NINL: variants seen among roughly 807,000 people sequenced by gnomAD.
NINL encodes ninein-like protein.
A neutral mutation model predicts 160.3 loss-of-function variants in NINL; 153 were observed. The observed-to-expected ratio is 0.95, with a 90% CI of 0.84 to 1.09. The LOEUF is 1.09. Among genes scored for constraint, NINL ranks in the 50% least tolerant of loss-of-function variants. The probability of loss-of-function intolerance (pLI) is 0.00; values close to 1 mark genes in which losing one functional copy is unlikely to be tolerated. For synonymous variants in NINL, 800 were observed against 734.8 expected, an observed-to-expected ratio of 1.09 and a Z score of -1.43; for missense variants, 1,829 against 1,764.0, an observed-to-expected ratio of 1.04 and a Z score of -0.66.
intron 1 of NINL, among the ~76,000 whole-genome samples, chr20:25,571,541 A>T (rs1163009159): frequency 6.6e-6 from 1 of 152,196 alleles, no homozygotes; most frequent in African/African-American, 2.4e-5. Flanking sequence ...GGAAAACAGG[A>T]AGACTTGGAA....
chr20:25,534,384 T>C (rs1286799740), intron 1 of NINL, among the ~76,000 whole-genome samples: 1 of 152,154 alleles, frequency 6.6e-6, no homozygotes, highest in East Asian at 1.9e-4. Context: ...CCAAAAGAAC[T>C]GAAAACAGCA....
At chr20:25,499,067 G>T in intron 8 of NINL, 3 of 985,454 alleles carry the variant, frequency 3.0e-6, no homozygotes, top group Non-Finnish European at 3.6e-6. Flanking sequence ...TCAGGCCGGC[G>T]GCAGGCACCA....
chr20:25,568,048 C>G (rs1191061559), intron 1 of NINL, among the ~76,000 whole-genome samples: 1 of 151,106 alleles, frequency 6.6e-6, no homozygotes, highest in Non-Finnish European at 1.5e-5. Context: ...TAAACTGAAG[C>G]AAGCAGAAGA....
intron 1 of NINL, among the ~76,000 whole-genome samples, chr20:25,552,791 A>G (rs1477485029): frequency 6.6e-6 from 1 of 152,286 alleles, no homozygotes; most frequent in Non-Finnish European, 1.5e-5. Context: ...CACAGAAAGT[A>G]ATTCAGAGTA....
chr20:25,473,675 T>TAC (rs56359105), intron 17 of NINL, among the ~76,000 whole-genome samples: 23,327 of 137,474 alleles, frequency 0.17, 2,064 homozygotes, highest in Non-Finnish European at 0.22. Flanking sequence ...AATACACACA[T>TAC]ACACACACAC....
intron 10 of NINL, among the ~76,000 whole-genome samples, chr20:25,492,617 A>G (rs903211889): frequency 6.6e-6 from 1 of 152,000 alleles, no homozygotes; most frequent in Non-Finnish European, 1.5e-5. Flanking sequence ...ATGCCCGGCT[A>G]ATTTTTTGTA....
rs149943466 is a variant in NINL, at chr20:25,515,926, A to G, written c.277+1827T>C. On this transcript the variant is annotated intron_variant, in intron 3 of 23. Transcript: ENST00000278886. Reference sequence around the variant, plus strand: ...TCTGGGACAACAGGCAACTGCCACCATGCCCGGCTAATTTTTTTGTATTTT... The same window carrying G: ...TCTGGGACAACAGGCAACTGCCACCGTGCCCGGCTAATTTTTTTGTATTTT... Among the ~76,000 whole-genome samples, 207 of 152,082 alleles carry G rather than the reference A, an allele frequency of 1.4e-3. 1 individual carries two copies. Among genetic ancestry groups the G allele is most frequent in the African/African-American group, 4.7e-3 (195 of 41,490 alleles).
chr20:25,512,719 G>A, intron 4 of NINL, 115 bp downstream of exon 4: 2 of 1,339,402 alleles, frequency 1.5e-6, no homozygotes, highest in Non-Finnish European at 2.0e-6. Context: ...CAGGGTGCCT[G>A]AGACGGTGGC....
intron 1 of NINL, among the ~76,000 whole-genome samples, chr20:25,582,141 G>A (rs1428508779): frequency 6.6e-6 from 1 of 152,182 alleles, no homozygotes; most frequent in Non-Finnish European, 1.5e-5. Flanking sequence ...TATAATCCCA[G>A]CTACTCAGGA....
intron 1 of NINL, among the ~76,000 whole-genome samples, chr20:25,561,345 G>A (rs1224799353): frequency 6.6e-6 from 1 of 152,184 alleles, no homozygotes; most frequent in East Asian, 1.9e-4. Flanking sequence ...AGTGCTCAAT[G>A]GTGCCCAGGC....
intron 4 of NINL, among the ~76,000 whole-genome samples, chr20:25,512,178 C>A (rs1363436671): frequency 2.0e-5 from 3 of 152,218 alleles, no homozygotes; most frequent in Non-Finnish European, 4.4e-5. Context: ...ACTTCCAAGG[C>A]CCCAGGACGC....
chr20:25,497,828 G>A (rs1340422248), intron 9 of NINL, among the ~76,000 whole-genome samples: 11 of 152,114 alleles, frequency 7.2e-5, no homozygotes, highest in African/African-American at 2.7e-4. Context: ...CTGTCCCTTC[G>A]AAACCTCAAT....
chr20:25,493,273 G>A (rs1235732950), intron 10 of NINL, among the ~76,000 whole-genome samples: 3 of 152,166 alleles, frequency 2.0e-5, no homozygotes, highest in Non-Finnish European at 4.4e-5. Flanking sequence ...CTAACCCCAA[G>A]GCTGGGATGA....
rs1235332069 is a variant in NINL, at chr20:25,453,471, G to A, written c.4129C>T (p.Pro1377Ser). ...TGTCTTTACACAGAGAGGGCTGCGG[G>A]GGCAATCCTACTGACGAGTTTGTTG... ...ALNKLVSRIA[P>S]AALSV Residue 1377 changes from proline (P) to serine (S), a missense_variant, in exon 24 of 24, where the codon CCC (proline) becomes TCC (serine). Physicochemically the swap from Pro to Ser is moderately conservative, Grantham distance 74. Transcript: ENST00000278886. 8 of 1,611,362 alleles carry A rather than the reference G, an allele frequency of 5.0e-6. No homozygotes were observed. Among genetic ancestry groups the A allele is most frequent in the South Asian group, 2.2e-5 (2 of 90,706 alleles).
chr20:25,505,085 C>A lies in NINL; in HGVS notation c.518-7G>T. 6.4e-7 allele frequency: 1 copy of A among 1,567,502 alleles called. No homozygotes were observed. ...TCCCAGGTCTGCAGCTGTCCTGAAG[C>A]AAGGGAGGAGTCACAGTTACACCCT... On this transcript the variant is annotated splice_polypyrimidine_tract_variant and splice_region_variant and intron_variant, in intron 5 of 23. Coordinates refer to ENST00000278886, the MANE Select transcript of NINL (RefSeq NM_025176.6).
chr20:25,524,450 G>A (rs1003925233), intron 2 of NINL, among the ~76,000 whole-genome samples: 9 of 152,202 alleles, frequency 5.9e-5, no homozygotes, highest in Middle Eastern at 3.2e-3. Flanking sequence ...GGCTGGACAC[G>A]CATGGCTATC....
At chr20:25,518,860 G>A (rs543444746) in intron 2 of NINL, among the ~76,000 whole-genome samples, 2 of 152,138 alleles carry the variant, frequency 1.3e-5, no homozygotes, top group East Asian at 1.9e-4. Context: ...CACTTTGGGA[G>A]GCCGAGGCAG....
In NINL at chr20:25,570,985, G is replaced by A. The variant is rs73904490; in HGVS notation, c.-12+14470C>T. On this transcript the variant is annotated intron_variant, in intron 1 of 23. Coordinates refer to ENST00000278886, the MANE Select transcript of NINL (RefSeq NM_025176.6). Reference sequence around the variant, plus strand: ...TCCAAAGTGCTGGGCGTGAACCACCGCGCCCAGCCAAATCCTGGGCAAGTA... The same window carrying A: ...TCCAAAGTGCTGGGCGTGAACCACCACGCCCAGCCAAATCCTGGGCAAGTA... Among the ~76,000 whole-genome samples the A allele has an allele frequency of 9.0e-3, 1,349 of 150,534 alleles. 16 individuals are homozygous for A. The highest frequency in any genetic ancestry group is 0.031 in the African/African-American group (1,259 of 40,966).
chr20:25,514,319 A>G (rs140871809), intron 3 of NINL, among the ~76,000 whole-genome samples: 1 of 152,354 alleles, frequency 6.6e-6, no homozygotes, highest in East Asian at 1.9e-4. Flanking sequence ...CTTGAGAGAA[A>G]TGATTTGGAG....
Sources: allele counts gnomAD v4.1 joint callset (sites outside exome capture counted in the v4.1 genomes callset), GRCh38; gene constraint gnomAD v4.1.1; transcripts MANE v1.5; gene names NCBI Gene and HGNC (gene_info 2026-07-23, HGNC 2026-07-21).